The following BIRC3 variants were observed in gnomAD, a reference collection of about 807,000 sequenced individuals.
BIRC3 encodes baculoviral IAP repeat-containing protein 3.
A neutral mutation model predicts 59.0 loss-of-function variants in BIRC3; 26 were observed. The observed-to-expected ratio is 0.44, with a 90% confidence interval of 0.32 to 0.61. BIRC3 has a LOEUF of 0.61. BIRC3 is among the 20% of genes least tolerant of loss of function. The pLI is 0.04. For missense variants in BIRC3, 641 were observed against 711.5 expected (o/e 0.90, Z 1.13); for synonymous variants, 243 against 249.2 (o/e 0.98, Z 0.24).
In BIRC3 at chr11:102,331,022, G is replaced by C. The variant is rs770469557; in HGVS notation, c.1105G>C (p.Asp369His). 1 of 1,613,318 alleles carries C rather than the reference G, an allele frequency of 6.2e-7. No individual in the cohort carries two copies. Among genetic ancestry groups the C allele is most frequent in the Non-Finnish European group, 8.5e-7 (1 of 1,179,680 alleles). ...SSIIHFEPGE[D>H]HSEDAIMMNT... ...AGTTATCCATTTTGAACCTGGAGAA[G>C]ACCATTCAGAAGATGCAATCATGAT... The change falls in exon 6 of 9, where the codon GAC becomes CAC. Residue 369 changes from aspartate (D) to histidine (H), a missense_variant. Coordinates refer to ENST00000263464, the MANE Select transcript of BIRC3 (RefSeq NM_001165.5).
intron 5 of BIRC3, among the ~76,000 whole-genome samples, chr11:102,330,329 G>A (rs919183453): frequency 1.3e-4 from 20 of 152,224 alleles, no homozygotes; most frequent in African/African-American, 4.8e-4. Context: ...CAGGCCAGCT[G>A]TATGAGTGGT....
Position 102,339,391 on chromosome 11 carries a change from C to A in BIRC3, c.*2289C>A. On this transcript the variant is annotated 3_prime_UTR_variant, in exon 9 of 9. Transcript: ENST00000263464. ...ATTTTGTTTTGGAAAAAATAAATCA[C>A]CATAGATAATAATGGTAGATCTATT... 5.7e-6 allele frequency: 1 copy of A among 175,956 alleles called. No individual in the cohort carries two copies. Among genetic ancestry groups the A allele is most frequent in the Non-Finnish European group, 1.2e-5 (1 of 81,622 alleles). The allele number at this position is 175,956 out of a possible 1,614,324, so 10.9% of individuals were successfully genotyped here. A position where few individuals can be genotyped will look rare whatever the true frequency, so the allele number is the denominator to read the frequency against.
Position 102,321,853 on chromosome 11 carries a change from A to T in BIRC3, c.-2657A>T, listed in dbSNP as rs1951033618. On this transcript the variant is annotated 5_prime_UTR_variant, in exon 2 of 9. Coordinates refer to ENST00000263464, the MANE Select transcript of BIRC3 (RefSeq NM_001165.5). ...TTTGAACAGGTTTACAAAGGAGGAA[A>T]ACGACTTCTTCTAGATTTTTTTTTC... The T allele has an allele frequency of 5.5e-6, 1 of 181,402 alleles. No individual in the cohort carries two copies. 11.2% of individuals were successfully genotyped at this position (181,402 alleles called of 1,614,324 possible). A position where few individuals can be genotyped will look rare whatever the true frequency, so the allele number is the denominator to read the frequency against.
In BIRC3 at chr11:102,324,398, A is replaced by T. The variant is rs1951060631; in HGVS notation, c.-112A>T. The T allele has an allele frequency of 8.0e-7, 1 of 1,246,470 alleles. No homozygotes were observed. Among genetic ancestry groups the T allele is most frequent in the Non-Finnish European group, 1.1e-6 (1 of 920,802 alleles). The allele number at this position is 1,246,470 out of a possible 1,614,324, so 77.2% of individuals were successfully genotyped here. ...TGCATAGAAATAAAAATAATAAAAA[A>T]TTTTTCATTTTGGCTTTTCAGCCTA... On this transcript the variant is annotated 5_prime_UTR_variant, in exon 2 of 9. Transcript: ENST00000263464.
chr11:102,332,043 ACTGAGT>A (rs1951147787), intron 6 of BIRC3, among the ~76,000 whole-genome samples: 1 of 152,188 alleles, frequency 6.6e-6, no homozygotes, highest in South Asian at 2.1e-4. Flanking sequence ...CCACACAAGA[ACTGAGT>A]CTTCCAGAGC....
At chr11:102,336,530 G>A (rs1279102186) in intron 7 of BIRC3, 8 of 570,656 alleles carry the variant, frequency 1.4e-5, no homozygotes, top group Non-Finnish European at 2.1e-5. Flanking sequence ...AGAGATAGAG[G>A]CTCCCATGAG....
chr11:102,333,919 G>A (rs1951170953), intron 6 of BIRC3, among the ~76,000 whole-genome samples: 1 of 152,106 alleles, frequency 6.6e-6, no homozygotes, highest in African/African-American at 2.4e-5. Context: ...TGGACAACGT[G>A]GCGAGACCCC....
rs7930386 is a variant in BIRC3 at position 102,324,770 on chromosome 11, A to C, written c.261A>C (p.Lys87Asn). ...GAGACAGTCCTACTGAAAAGCATAA[A>C]AAGTTGTATCCTAGCTGCAGATTCG... ...KRGDSPTEKH[K>N]KLYPSCRFVQ... Residue 87 changes from lysine (K) to asparagine (N), a missense_variant, in exon 2 of 9, where the codon AAA becomes AAC. Physicochemically the swap from Lys to Asn is moderately conservative, Grantham distance 94 (BLOSUM62 0). This residue lies in a region of BIRC3 where 329 missense variants were observed against 365.6 expected (regional missense o/e 0.90). Transcript: ENST00000263464. 1 of 1,614,138 alleles carries C rather than the reference A, an allele frequency of 6.2e-7. No individual in the cohort carries two copies. Among genetic ancestry groups the C allele is most frequent in the East Asian group, 2.2e-5 (1 of 44,888 alleles).
At chr11:102,319,008 G>A (rs1951002718) in intron 1 of BIRC3, among the ~76,000 whole-genome samples, 1 of 151,908 alleles carries the variant, frequency 6.6e-6, no homozygotes, top group Non-Finnish European at 1.5e-5. Flanking sequence ...GTGATACAGG[G>A]TAGTTGCTAG....
At chr11:102,330,003 T>C (rs562020056) in intron 5 of BIRC3, among the ~76,000 whole-genome samples, 1 of 152,178 alleles carries the variant, frequency 6.6e-6, no homozygotes, top group Admixed American at 6.5e-5. Flanking sequence ...ATGTATCTAC[T>C]GGAAACAGAC....
Position 102,331,110 on chromosome 11 carries a change from C to T in BIRC3, c.1193C>T (p.Thr398Ile). 6.2e-7 allele frequency: 1 copy of T among 1,613,758 alleles called. No individual in the cohort carries two copies. The highest frequency in any genetic ancestry group is 8.5e-7 in the Non-Finnish European group (1 of 1,179,864). Residue 398 changes from threonine to isoleucine, a missense_variant, in exon 6 of 9, where the codon ACA becomes ATA. Thr to Ile is a moderately conservative substitution (Grantham distance 89). Transcript: ENST00000263464. ...TTTAGTAGAAGCCTGGTAAAACAGA[C>T]AGTTCAGAGAAAAATCCTAGCAACT... ...MGFSRSLVKQTVQRKILATGE... is the reference protein window; with the variant it reads ...MGFSRSLVKQIVQRKILATGE...
chr11:102,327,597 C>T (rs1279436988), intron 3 of BIRC3, among the ~76,000 whole-genome samples: 1 of 151,928 alleles, frequency 6.6e-6, no homozygotes, highest in African/African-American at 2.4e-5. Flanking sequence ...CTGAGATCAT[C>T]CCACTGCCCT....
At chr11:102,317,971 T>C (rs781473066) in intron 1 of BIRC3, among the ~76,000 whole-genome samples, 7 of 152,206 alleles carry the variant, frequency 4.6e-5, no homozygotes, top group Non-Finnish European at 1.0e-4. Context: ...AATGGACGCA[T>C]GTTTCCAAGC....
chr11:102,327,527 C>G (rs2135786289), intron 3 of BIRC3, among the ~76,000 whole-genome samples: 1 of 152,120 alleles, frequency 6.6e-6, no homozygotes, highest in Middle Eastern at 3.4e-3. Flanking sequence ...GCAAGCTCAG[C>G]TACTCGGGAG....
chr11:102,336,380 C>A (rs2135792799), intron 7 of BIRC3, 160 bp downstream of exon 7: 1 of 847,914 alleles, frequency 1.2e-6, no homozygotes, highest in Non-Finnish European at 1.7e-6. Context: ...TTGCTTGAGC[C>A]CAGGAGTTTG....
intron 6 of BIRC3, 100 bp downstream of exon 6, chr11:102,331,341 A>T (rs1421940884): frequency 8.2e-7 from 1 of 1,226,190 alleles, no homozygotes; most frequent in Non-Finnish European, 1.1e-6. Context: ...AAATATACTC[A>T]ATCCAGTCAG....
At position 102,325,613 on chromosome 11, in the gene BIRC3, A is replaced by G. The variant is rs1195037930; in HGVS notation, c.953+48A>G. 1.9e-6 allele frequency: 3 copies of G among 1,547,028 alleles called. No homozygotes were observed. In the South Asian group the frequency reaches 3.4e-5, roughly 18 times the overall value. ...TGCAAATTCTTGTGATTATCATGAG[A>G]TTGCTTATATGTGTTCACCTGAAAT... On this transcript the variant is annotated intron_variant, in intron 3 of 8. Coordinates refer to ENST00000263464, the MANE Select transcript of BIRC3 (RefSeq NM_001165.5).
chr11:102,330,896 T>C, intron 5 of BIRC3, 103 bp from the exon 6 acceptor site: 1 of 1,228,568 alleles, frequency 8.1e-7, no homozygotes. Context: ...GTTTTACATT[T>C]TTAATATTAT....
intron 5 of BIRC3, 48 bp from the exon 6 acceptor site, chr11:102,330,951 G>T: frequency 6.8e-7 from 1 of 1,464,380 alleles, no homozygotes; most frequent in Non-Finnish European, 9.1e-7. Context: ...CAATTTTTAA[G>T]AAATATAAGG....
Sources: allele counts gnomAD v4.1 joint callset (sites outside exome capture counted in the v4.1 genomes callset), GRCh38; gene constraint gnomAD v4.1.1; regional missense constraint gnomAD v4.1.1; transcripts MANE v1.5; gene names NCBI Gene and HGNC (gene_info 2026-07-23, HGNC 2026-07-21).